Variants in TMF1 observed in about 807,000 individuals in gnomAD.
TMF1 encodes the protein TATA element modulatory factor 1, also known as TATA element modulatory factor.
A neutral mutation model predicts 126.5 loss-of-function variants in TMF1; 71 were observed. The observed-to-expected ratio is 0.56, with a 90% CI of 0.46 to 0.68. TMF1 has a LOEUF of 0.68. TMF1 is among the 30% of genes least tolerant of loss of function. The pLI is 0.00. For missense variants in TMF1, 1,259 were observed against 1,253.2 expected (o/e 1.00, Z -0.07); for synonymous variants, 461 against 430.5 (o/e 1.07, Z -0.88).
In TMF1 at chr3:69,039,010, CTA is replaced by C; in HGVS notation, c.1828-3_1828-2del. ...CAACCTCTTCTTTGCCATCAAGGAC[CTA>C]TATGTTATAAAAACAGACAAAAGTA... On this transcript the variant is annotated splice_acceptor_variant and splice_polypyrimidine_tract_variant and intron_variant, in intron 6 of 16. Transcript: ENST00000398559. LOFTEE classifies it high-confidence loss of function. 6.5e-7 allele frequency: 1 copy of C among 1,542,416 alleles called. No individual in the cohort carries two copies. The highest frequency in any genetic ancestry group is 1.3e-5 in the South Asian group (1 of 79,316).
At chr3:69,046,121 A>T (rs1295300784) in intron 2 of TMF1, among the ~76,000 whole-genome samples, 8 of 152,114 alleles carry the variant, frequency 5.3e-5, no homozygotes, top group African/African-American at 1.9e-4. Context: ...TCATACATAC[A>T]TCCATCCACA....
rs2091870906 is a variant in TMF1, at chr3:69,042,321, AG to A, written c.1684+485del. ...CCCAAGTGCTGAGATTACAGTCATA[AG>A]CCACCACACTCAGCCAACCCTGTTT... On this transcript the variant is annotated intron_variant, in intron 5 of 16. Transcript: ENST00000398559. The A allele has an allele frequency of 1.1e-5, 5 of 455,740 alleles. No individual in the cohort carries two copies. In the Middle Eastern group the frequency reaches 1.1e-3, roughly 100 times the overall value. 28.2% of individuals were successfully genotyped at this position (455,740 alleles called of 1,614,324 possible).
At chr3:69,051,249 G>T (rs62254240) in intron 1 of TMF1, among the ~76,000 whole-genome samples, 11,861 of 152,104 alleles carry the variant, frequency 0.078, 621 homozygotes, top group Non-Finnish European at 0.11. Flanking sequence ...GGCCGAGGTG[G>T]GTGGATCGCC....
intron 1 of TMF1, among the ~76,000 whole-genome samples, chr3:69,051,370 G>A (rs2091927622): frequency 6.6e-6 from 1 of 152,136 alleles, no homozygotes; most frequent in African/African-American, 2.4e-5. Flanking sequence ...AGCTACTAGG[G>A]AGGCTGGGGA....
intron 14 of TMF1, 35 bp from the exon 15 acceptor site, chr3:69,025,747 G>T (rs561286054): frequency 6.3e-7 from 1 of 1,588,308 alleles, no homozygotes; most frequent in African/African-American, 1.3e-5. Flanking sequence ...CAGTTACTCA[G>T]TTATCATAGC....
At chr3:69,048,637 G>C in intron 1 of TMF1, 75 bp from the exon 2 acceptor site, 1 of 1,290,730 alleles carries the variant, frequency 7.7e-7, no homozygotes, top group Non-Finnish European at 1.0e-6. Flanking sequence ...TTATAAATCA[G>C]TATAAATATA....
At chr3:69,051,532 A>C (rs2091929008) in intron 1 of TMF1, among the ~76,000 whole-genome samples, 1 of 152,204 alleles carries the variant, frequency 6.6e-6, no homozygotes, top group South Asian at 2.1e-4. Context: ...ACTGACTGTT[A>C]GCGATTGTTC....
At position 69,039,524 on chromosome 3, in the gene TMF1, A is replaced by G. The variant is rs1262354202; in HGVS notation, c.1827+27T>C. 2.5e-6 allele frequency: 4 copies of G among 1,602,668 alleles called. No homozygotes were observed. In the South Asian group the frequency reaches 3.4e-5, roughly 14 times the overall value. On this transcript the variant is annotated intron_variant, in intron 6 of 16. Coordinates refer to ENST00000398559, the MANE Select transcript of TMF1 (RefSeq NM_007114.3). ...CATACAGGAAGTAATAACAATATAT[A>G]TGTAGAGAATTATGATTGCTATTCA...
Position 69,043,852 on chromosome 3 carries a change from T to C in TMF1, c.1476A>G (p.Glu492=). The change falls in exon 4 of 17, where the codon GAA becomes GAG. Residue 492 remains glutamate (E), a synonymous_variant. Transcript: ENST00000398559. ...CTTTCAAGGAAGAAATGCTACTGCTTTCTTCTTTCACTCTGAACATTTCAC... is the reference window on the plus strand; with the variant it reads ...CTTTCAAGGAAGAAATGCTACTGCTCTCTTCTTTCACTCTGAACATTTCAC... ...LKDEMFRVKE[E]SSSISSLKDE... is the part of the protein sequence containing the mutation. 6 of 1,607,988 alleles carry C rather than the reference T, an allele frequency of 3.7e-6. No individual in the cohort carries two copies. Among genetic ancestry groups the C allele is most frequent in the Non-Finnish European group, 5.1e-6 (6 of 1,177,494 alleles).
intron 10 of TMF1, 84 bp downstream of exon 10, chr3:69,033,464 G>A (rs2091815116): frequency 7.0e-7 from 1 of 1,428,908 alleles, no homozygotes; most frequent in Admixed American, 2.5e-5. Context: ...CAGATCAAAT[G>A]AATTTCAATT....
Position 69,038,661 on chromosome 3 carries a change from G to A in TMF1, c.2054C>T (p.Ala685Val), listed in dbSNP as rs750843320. Residue 685 changes from alanine to valine, a missense_variant, in exon 8 of 17, where the codon GCT becomes GTT. By Grantham distance (64) the Ala-to-Val change is moderately conservative. Coordinates refer to ENST00000398559, the MANE Select transcript of TMF1 (RefSeq NM_007114.3). ...AAKDSEAQEAALSREMKAKEE... is the reference protein window; with the variant it reads ...AAKDSEAQEAVLSREMKAKEE... ...TTTAGCTTTCATTTCACGGCTCAGA[G>A]CAGCTTCCTGTGCCTCACTATCCTT... 6.2e-7 allele frequency: 1 copy of A among 1,614,174 alleles called. No homozygotes were observed. The highest frequency in any genetic ancestry group is 2.2e-5 in the East Asian group (1 of 44,884).
intron 9 of TMF1, 73 bp from the exon 10 acceptor site, chr3:69,033,777 T>A: frequency 7.7e-7 from 1 of 1,292,296 alleles, no homozygotes. Context: ...AAACCTGAAC[T>A]TTGAGAGGTT....
chr3:69,048,396 T>C lies in TMF1; in HGVS notation c.309A>G (p.Pro103=), dbSNP rs780153809. 1.2e-6 allele frequency: 2 copies of C among 1,614,184 alleles called. No individual in the cohort carries two copies. Among genetic ancestry groups the C allele is most frequent in the South Asian group, 2.2e-5 (2 of 91,084 alleles). The change falls in exon 2 of 17, where the codon CCA becomes CCG. Residue 103 remains proline, a synonymous_variant. Coordinates refer to ENST00000398559, the MANE Select transcript of TMF1 (RefSeq NM_007114.3). ...SENFFSAFLS[P]TDVQTIQKSP... is the part of the protein sequence containing the mutation. ...TCTTCTGAATGGTCTGGACATCAGT[T>C]GGCGAGAGAAAGGCACTGAAGAAAT...
At position 69,039,586 on chromosome 3, in the gene TMF1, T is replaced by C. The variant is rs879213388; in HGVS notation, c.1792A>G (p.Lys598Glu). The C allele has an allele frequency of 6.2e-7, 1 of 1,613,308 alleles. No individual in the cohort carries two copies. The highest frequency in any genetic ancestry group is 1.3e-5 in the African/African-American group (1 of 74,886). The change falls in exon 6 of 17, where the codon AAA becomes GAA. Residue 598 changes from lysine to glutamate, a missense_variant. Physicochemically the swap from Lys to Glu is moderately conservative, Grantham distance 56 (BLOSUM62 1). Transcript: ENST00000398559. ...TGCTGCAACTCCTCTTCTAGCTCTT[T>C]AACTTTTTTGTTCAGCTTTGCAACC... ...NMVAKLNKKV[K>E]ELEEELQHLK...
rs2091742809 is a variant in TMF1, at chr3:69,022,297, C to T, written c.*880G>A. 1 of 152,046 alleles carries T rather than the reference C, an allele frequency of 6.6e-6. No homozygotes were observed. Among genetic ancestry groups the T allele is most frequent in the Non-Finnish European group, 1.5e-5 (1 of 67,982 alleles). 9.4% of individuals were successfully genotyped at this position (152,046 alleles called of 1,614,324 possible). Reference sequence around the variant, plus strand: ...TTAATGTGCTAAAAATATGGGTTTACAAAATATGAACAGGTAATTTTTAAA... The same window carrying T: ...TTAATGTGCTAAAAATATGGGTTTATAAAATATGAACAGGTAATTTTTAAA... On this transcript the variant is annotated 3_prime_UTR_variant, in exon 17 of 17. Transcript: ENST00000398559.
chr3:69,042,429 A>C, intron 5 of TMF1: 1 of 460,734 alleles, frequency 2.2e-6, no homozygotes, highest in Non-Finnish European at 4.3e-6. Context: ...ATGTCAGAAA[A>C]AGACAATATC....
At chr3:69,032,903 G>A (rs995090860) in intron 10 of TMF1, among the ~76,000 whole-genome samples, 2 of 151,974 alleles carry the variant, frequency 1.3e-5, no homozygotes, top group African/African-American at 4.8e-5. Flanking sequence ...GAGCCACCGC[G>A]CCCTGCCAGA....
At chr3:69,044,061 ACACCTCAAAGAAAAT>A (rs1460395464) in intron 3 of TMF1, among the ~76,000 whole-genome samples, 185 bp from the exon 4 acceptor site, 1 of 152,234 alleles carries the variant, frequency 6.6e-6, no homozygotes, top group African/African-American at 2.4e-5. Context: ...TTATTTTAAA[ACACCTCAAAGAAAAT>A]CTGTTAGAAA....
Position 69,024,226 on chromosome 3 carries a change from T to G in TMF1, c.3013-46A>C, listed in dbSNP as rs368969818. The G allele has an allele frequency of 6.7e-6, 10 of 1,502,716 alleles. No homozygotes were observed. In the African/African-American group the frequency reaches 1.1e-4, roughly 17 times the overall value. The allele number at this position is 1,502,716 out of a possible 1,614,324, so 93.1% of individuals were successfully genotyped here. On this transcript the variant is annotated intron_variant, in intron 15 of 16. Coordinates refer to ENST00000398559, the MANE Select transcript of TMF1 (RefSeq NM_007114.3). Reference sequence around the variant, plus strand: ...ATAGTTTAAATCAAAACATATCTTTTTTAATACTCCCAGTAATATAAAAAT... The same window carrying G: ...ATAGTTTAAATCAAAACATATCTTTGTTAATACTCCCAGTAATATAAAAAT...
Sources: allele counts gnomAD v4.1 joint callset (sites outside exome capture counted in the v4.1 genomes callset), GRCh38; gene constraint gnomAD v4.1.1; transcripts MANE v1.5; gene names NCBI Gene and HGNC (gene_info 2026-07-23, HGNC 2026-07-21).